The following KRI1 variants were observed in gnomAD, a reference collection of about 807,000 sequenced individuals.
KRI1 encodes the protein protein KRI1 homolog.
Under a neutral mutation model 97.0 loss-of-function variants are expected in KRI1, and 83 were observed. The observed-to-expected ratio is 0.86, with a 90% CI of 0.72 to 1.03. The LOEUF (loss-of-function observed/expected upper bound fraction) is 1.03. Among genes scored for constraint, KRI1 ranks in the 50% least tolerant of loss-of-function variants. The probability of loss-of-function intolerance (pLI) is 0.00; values close to 1 mark genes in which losing one functional copy is unlikely to be tolerated. For missense variants in KRI1, 916 were observed against 928.4 expected, an observed-to-expected ratio of 0.99 and a Z score of 0.17; for synonymous variants, 371 against 363.5, an observed-to-expected ratio of 1.02 and a Z score of -0.23.
chr19:10,565,224 T>C, intron 2 of KRI1, 190 bp from the exon 3 acceptor site: 1 of 616,634 alleles, frequency 1.6e-6, no homozygotes, highest in Non-Finnish European at 2.9e-6. Context: ...CACAGGTAGG[T>C]ACAGGATATG....
chr19:10,559,604 C>CA lies in KRI1; in HGVS notation c.1023+8dup, dbSNP rs1916627377. 5 of 1,613,962 alleles carry CA rather than the reference C, an allele frequency of 3.1e-6. No homozygotes were observed. Among genetic ancestry groups the CA allele is most frequent in the South Asian group, 1.1e-5 (1 of 91,074 alleles). On this transcript the variant is annotated intron_variant, in intron 11 of 18. Coordinates refer to ENST00000312962, the MANE Select transcript of KRI1 (RefSeq NM_023008.5). ...GGGGGGTCCTCCCCAGCTCACCCCC[C>CA]ACACTCACCCTCTTCTTTCGCTCCC...
rs563676718 is a variant in KRI1, at chr19:10,561,818, G to A, written c.411C>T (p.Asp137=). The part of the protein sequence containing the change: ...AGKYVDEENS[D]GETSNHRLQE... The stretch of plus-strand genomic sequence containing the variant: ...GGAGTCTGTGATTGGAAGTCTCCCC[G>A]TCTGAGTTCTCCTCATCAACATATT... Residue 137 remains aspartate, a synonymous_variant, in exon 5 of 19, where the codon GAC becomes GAT. Coordinates refer to ENST00000312962, the MANE Select transcript of KRI1 (RefSeq NM_023008.5). 36 of 1,613,800 alleles carry A rather than the reference G, an allele frequency of 2.2e-5. No homozygotes were observed. The highest frequency in any genetic ancestry group is 2.0e-4 in the Admixed American group (12 of 59,970).
At chr19:10,562,982 GT>G (rs1916745816) in intron 3 of KRI1, 145 bp from the exon 4 acceptor site, 1 of 601,992 alleles carries the variant, frequency 1.7e-6, no homozygotes, top group Admixed American at 2.8e-5. Context: ...TATTGTGCTT[GT>G]CACCATCTGG....
rs773627096 is a variant in KRI1, at chr19:10,565,673, G to A, written c.168+44C>T. ...CATCGGGGTCGGGGTGCAGAGGGGG[G>A]CTTGGACGCCTCCGCACGTCCAGGA... On this transcript the variant is annotated intron_variant, in intron 2 of 18. Coordinates refer to ENST00000312962, the MANE Select transcript of KRI1 (RefSeq NM_023008.5). 4.6e-6 allele frequency: 7 copies of A among 1,532,818 alleles called. No homozygotes were observed. In the South Asian group the frequency reaches 7.2e-5, roughly 16 times the overall value. The allele number at this position is 1,532,818 out of a possible 1,614,324, so 95.0% of individuals were successfully genotyped here. A position where few individuals can be genotyped will look rare whatever the true frequency, so the allele number is the denominator to read the frequency against.
At position 10,564,924 on chromosome 19, in the gene KRI1, C is replaced by T. The variant is rs770649248; in HGVS notation, c.274+5G>A. 7.0e-5 allele frequency: 111 copies of T among 1,584,354 alleles called. No homozygotes were observed. The highest frequency in any genetic ancestry group is 9.6e-5 in the Non-Finnish European group (111 of 1,153,140). The stretch of plus-strand genomic sequence containing the variant: ...GGAGAGGTTTAGACAGGAGTGGCCC[C>T]GGACCTGTTCTGTTATAGAAGGTGG... On this transcript the variant is annotated splice_donor_5th_base_variant and intron_variant, in intron 3 of 18. Coordinates refer to ENST00000312962, the MANE Select transcript of KRI1 (RefSeq NM_023008.5).
intron 12 of KRI1, among the ~76,000 whole-genome samples, chr19:10,558,574 C>G (rs1916593320): frequency 6.6e-6 from 1 of 152,036 alleles, no homozygotes; most frequent in Non-Finnish European, 1.5e-5. Flanking sequence ...CAGAATTTCG[C>G]TCTTGTTGCC....
At chr19:10,562,431 T>A (rs1916730457) in intron 4 of KRI1, among the ~76,000 whole-genome samples, 1 of 150,666 alleles carries the variant, frequency 6.6e-6, no homozygotes. Flanking sequence ...GCAGCCTCCA[T>A]CTCCTGGCTC....
At chr19:10,555,419 A>G in intron 16 of KRI1, 70 bp from the exon 17 acceptor site, 1 of 1,538,962 alleles carries the variant, frequency 6.5e-7, no homozygotes, top group East Asian at 2.3e-5. Context: ...AGCCTAAGTC[A>G]TGTCATTAGT....
rs375101497 is a variant in KRI1, at chr19:10,555,265, G to A, written c.1682+20C>T. On this transcript the variant is annotated intron_variant, in intron 17 of 18. Coordinates refer to ENST00000312962, the MANE Select transcript of KRI1 (RefSeq NM_023008.5). The stretch of plus-strand genomic sequence containing the variant: ...CCCTGCCCCCTGCGCATGTGGCCCC[G>A]CCGCGCCCCGCCCCATCACCTGTAC... The A allele has an allele frequency of 9.0e-5, 145 of 1,611,990 alleles. No homozygotes were observed. Among genetic ancestry groups the A allele is most frequent in the Non-Finnish European group, 1.1e-4 (127 of 1,178,400 alleles).
rs1235905275 is a variant in KRI1 at position 10,553,975 on chromosome 19, T to G, written c.2088A>C (p.Gln696His). The G allele has an allele frequency of 6.2e-7, 1 of 1,609,614 alleles. No individual in the cohort carries two copies. The highest frequency in any genetic ancestry group is 1.7e-5 in the Admixed American group (1 of 59,468). ...CTCAGGAGCTGTTCTTGGGCCCCTG[T>G]TGTTTCCTCCGCTGCCGGCCCAGCT... ...FRQLGRQRRK[Q>H]QGPKNSS The change falls in exon 19 of 19, where the codon CAA (glutamine) becomes CAC (histidine). Residue 696 changes from glutamine (Q) to histidine (H), a missense_variant. Coordinates refer to ENST00000312962, the MANE Select transcript of KRI1 (RefSeq NM_023008.5).
At chr19:10,556,364 C>G (rs1360151637) in intron 16 of KRI1, among the ~76,000 whole-genome samples, 1 of 150,560 alleles carries the variant, frequency 6.6e-6, no homozygotes, top group Non-Finnish European at 1.5e-5. Flanking sequence ...CTAATACATA[C>G]TGACAGGAAT....
rs775642638 is a variant in KRI1, at chr19:10,557,996, C to A, written c.1335G>T (p.Leu445=). 1 of 1,613,978 alleles carries A rather than the reference C, an allele frequency of 6.2e-7. No individual in the cohort carries two copies. Residue 445 remains leucine (L), a synonymous_variant, in exon 14 of 19, where the codon CTG becomes CTT. Coordinates refer to ENST00000312962, the MANE Select transcript of KRI1 (RefSeq NM_023008.5). ...CGTTGAAGTTGGGGTCCTCACAGTGCAGCTCCTGCTGGCTCCAGTCTCCCT... is the reference window on the plus strand; with the variant it reads ...CGTTGAAGTTGGGGTCCTCACAGTGAAGCTCCTGCTGGCTCCAGTCTCCCT... ...EQEGDWSQQE[L]HCEDPNFNMD... is the part of the protein sequence containing the mutation.
intron 17 of KRI1, 38 bp downstream of exon 17, chr19:10,555,247 C>CG (rs71162094): frequency 6.2e-7 from 1 of 1,613,324 alleles, no homozygotes; most frequent in South Asian, 1.1e-5. Flanking sequence ...CCGCCCTGCC[C>CG]CCTGCGCATG....
Position 10,555,428 on chromosome 19 carries a change from G to A in KRI1, c.1618-79C>T. 7 of 1,480,208 alleles carry A rather than the reference G, an allele frequency of 4.7e-6. No individual in the cohort carries two copies. The Admixed American group carries it at 5.0e-5, about 11-fold the overall frequency. The allele number at this position is 1,480,208 out of a possible 1,614,324, so 91.7% of individuals were successfully genotyped here. ...TCCCTGAGCCTAAGTCATGTCATTAGTCAAAACGGTAATGCCGCTACCACC... is the reference window on the plus strand; with the variant it reads ...TCCCTGAGCCTAAGTCATGTCATTAATCAAAACGGTAATGCCGCTACCACC... On this transcript the variant is annotated intron_variant, in intron 16 of 18. Transcript: ENST00000312962.
chr19:10,555,264 C>A (rs765585165), intron 17 of KRI1, 21 bp downstream of exon 17: 64 of 1,612,884 alleles, frequency 4.0e-5, no homozygotes, highest in Non-Finnish European at 5.4e-5. Context: ...CATGTGGCCC[C>A]GCCGCGCCCC....
chr19:10,555,199 C>T lies in KRI1; in HGVS notation c.1683-14G>A, dbSNP rs1916461527. 1 of 1,065,302 alleles carries T rather than the reference C, an allele frequency of 9.4e-7. No homozygotes were observed. Among genetic ancestry groups the T allele is most frequent in the East Asian group, 4.6e-5 (1 of 21,830 alleles). 66.0% of individuals were successfully genotyped at this position (1,065,302 alleles called of 1,614,324 possible). On this transcript the variant is annotated splice_polypyrimidine_tract_variant and intron_variant, in intron 17 of 18. Transcript: ENST00000312962. ...TCCTGCTCTGACCTGCAGACAGATG[C>T]CCCTGTGTTGGGTGCTCTGGGAAGT...
intron 18 of KRI1, 40 bp downstream of exon 18, chr19:10,555,047 C>G (rs1189548075): frequency 1.3e-6 from 2 of 1,536,802 alleles, no homozygotes; most frequent in East Asian, 4.5e-5. Flanking sequence ...CTGGGCCTGA[C>G]AGGCTCCCCA....
intron 6 of KRI1, 87 bp from the exon 7 acceptor site, chr19:10,561,352 G>T: frequency 8.3e-7 from 1 of 1,211,162 alleles, no homozygotes; most frequent in Non-Finnish European, 1.2e-6. Context: ...TAGAGCTGGG[G>T]TCTCACTATG....
rs1916398838 is a variant in KRI1 at position 10,553,825 on chromosome 19, G to C, written c.*126C>G. 1 of 857,970 alleles carries C rather than the reference G, an allele frequency of 1.2e-6. No individual in the cohort carries two copies. Among genetic ancestry groups the C allele is most frequent in the South Asian group, 2.0e-5 (1 of 49,760 alleles). 53.1% of individuals were successfully genotyped at this position (857,970 alleles called of 1,614,324 possible). On this transcript the variant is annotated 3_prime_UTR_variant, in exon 19 of 19. Transcript: ENST00000312962. ...TTTCACCTCGGCCTCCCAAAGTGCTGGGATTACAGGCGTGCCTGGCCACAG... is the reference window on the plus strand; with the variant it reads ...TTTCACCTCGGCCTCCCAAAGTGCTCGGATTACAGGCGTGCCTGGCCACAG...
Sources: allele counts gnomAD v4.1 joint callset (sites outside exome capture counted in the v4.1 genomes callset), GRCh38; gene constraint gnomAD v4.1.1; transcripts MANE v1.5; gene names NCBI Gene and HGNC (gene_info 2026-07-23, HGNC 2026-07-21).